The following PIK3C3 variants were observed in gnomAD, a reference collection of about 807,000 sequenced individuals.
PIK3C3 encodes the protein PI3-kinase type 3.
In PIK3C3, 95 loss-of-function variants were observed where a neutral mutation model predicts 126.1. That is an observed-to-expected ratio of 0.75 (90% CI 0.64 to 0.89). The LOEUF is 0.89. Ranked by LOEUF, PIK3C3 falls within the 40% of genes least tolerant of loss-of-function variation. The probability of loss-of-function intolerance (pLI) is 0.00; values close to 1 mark genes in which losing one functional copy is unlikely to be tolerated. For synonymous variants in PIK3C3, 374 were observed against 360.0 expected (o/e 1.04, Z -0.44); for missense variants, 829 against 1,063.2 (o/e 0.78, Z 3.06).
At chr18:42,062,429 CATT>C (rs923733458) in intron 22 of PIK3C3, among the ~76,000 whole-genome samples, 18 of 151,436 alleles carry the variant, frequency 1.2e-4, no homozygotes, top group African/African-American at 4.4e-4. Flanking sequence ...TTTCTTAAAA[CATT>C]ATGAGATTTT....
intron 2 of PIK3C3, among the ~76,000 whole-genome samples, chr18:41,958,858 C>T (rs56411890): frequency 0.038 from 5,831 of 152,180 alleles, 356 homozygotes; most frequent in African/African-American, 0.13. Context: ...GTTTCTGTTA[C>T]ATACCTACTG....
intron 4 of PIK3C3, among the ~76,000 whole-genome samples, chr18:41,986,211 T>C (rs1370745621): frequency 6.6e-6 from 1 of 152,108 alleles, no homozygotes; most frequent in Non-Finnish European, 1.5e-5. Flanking sequence ...GTCTACAAAA[T>C]AGTGTGGTTA....
At chr18:42,068,956 A>C (rs894474882) in intron 24 of PIK3C3, among the ~76,000 whole-genome samples, 1 of 151,812 alleles carries the variant, frequency 6.6e-6, no homozygotes, top group African/African-American at 2.4e-5. Flanking sequence ...TCTCAAAAAA[A>C]AAAAAAAAAA....
intron 21 of PIK3C3, chr18:42,052,794 TCATGAAGACTTGTC>T (rs1377497652): frequency 6.6e-6 from 1 of 152,184 alleles, no homozygotes; most frequent in Non-Finnish European, 1.5e-5. Context: ...GCCTCGACTG[TCATGAAGACTTGTC>T]CATTGTATAT....
chr18:42,046,890 A>G (rs1984581702), intron 20 of PIK3C3, among the ~76,000 whole-genome samples: 1 of 152,146 alleles, frequency 6.6e-6, no homozygotes. Flanking sequence ...TTGACTAAAC[A>G]TGTTTATCAG....
At chr18:41,975,655 T>G (rs1449624504) in intron 4 of PIK3C3, among the ~76,000 whole-genome samples, 1 of 152,098 alleles carries the variant, frequency 6.6e-6, no homozygotes, top group Non-Finnish European at 1.5e-5. Flanking sequence ...CTGGAAAGGT[T>G]TCTCAGATAT....
intron 24 of PIK3C3, among the ~76,000 whole-genome samples, chr18:42,079,936 C>T (rs1308688349): frequency 6.7e-6 from 1 of 148,442 alleles, no homozygotes. Context: ...TCTTATTTCC[C>T]CAACTTTTGA....
chr18:42,005,032 A>C (rs1982477222), intron 10 of PIK3C3, among the ~76,000 whole-genome samples: 1 of 152,208 alleles, frequency 6.6e-6, no homozygotes, highest in African/African-American at 2.4e-5. Context: ...AATTATATGT[A>C]TATGTAGATT....
rs1361125918 is a variant in PIK3C3, at chr18:41,957,674, A to C, written c.173A>C (p.Tyr58Ser). 1.2e-6 allele frequency: 2 copies of C among 1,613,970 alleles called. No individual in the cohort carries two copies. The highest frequency in any genetic ancestry group is 2.2e-5 in the South Asian group (2 of 91,058). The change falls in exon 2 of 25, where the codon TAT becomes TCT. Residue 58 changes from tyrosine to serine, a missense_variant. Coordinates refer to ENST00000262039, the MANE Select transcript of PIK3C3 (RefSeq NM_002647.4). ...TATCAAGAGACATGCTCTGATCTTTATGTTACTTGTCAAGTTTTTGCAGAA... is the reference window on the plus strand; with the variant it reads ...TATCAAGAGACATGCTCTGATCTTTCTGTTACTTGTCAAGTTTTTGCAGAA... ...GLYQETCSDLYVTCQVFAEGK... is the reference protein window; with the variant it reads ...GLYQETCSDLSVTCQVFAEGK...
chr18:42,020,656 T>C lies in PIK3C3; in HGVS notation c.1435T>C (p.Leu479=). The change falls in exon 13 of 25, where the codon TTG becomes CTG. Residue 479 remains leucine (L), a synonymous_variant. Coordinates refer to ENST00000262039, the MANE Select transcript of PIK3C3 (RefSeq NM_002647.4). ...ENLEQDLCTF[L]ISRACKNSTL... is the part of the protein sequence containing the mutation. ...CTTTCAGCAAGATCTCTGTACCTTC[T>C]TGATATCGAGAGCCTGCAAAAACTC... The C allele has an allele frequency of 5.6e-6, 9 of 1,602,914 alleles. No homozygotes were observed. Among genetic ancestry groups the C allele is most frequent in the South Asian group, 1.1e-5 (1 of 90,304 alleles).
intron 19 of PIK3C3, 146 bp from the exon 20 acceptor site, chr18:42,043,587 C>A (rs960632722): frequency 3.8e-6 from 2 of 521,292 alleles, no homozygotes; most frequent in African/African-American, 3.9e-5. Context: ...CGCACTCTTA[C>A]AATTCTTTTG....
chr18:42,081,170 A>C lies in PIK3C3; in HGVS notation c.*33A>C. 1 of 1,546,794 alleles carries C rather than the reference A, an allele frequency of 6.5e-7. No homozygotes were observed. Among genetic ancestry groups the C allele is most frequent in the Non-Finnish European group, 8.9e-7 (1 of 1,127,158 alleles). On this transcript the variant is annotated 3_prime_UTR_variant, in exon 25 of 25. Transcript: ENST00000262039. ...ATTGACCCATCAAGATGCTTGGCTC[A>C]ATAAGAAAACCACGTTAGGAGCAAC...
chr18:41,986,643 G>C (rs1981492767), intron 4 of PIK3C3, among the ~76,000 whole-genome samples: 1 of 151,980 alleles, frequency 6.6e-6, no homozygotes, highest in South Asian at 2.1e-4. Flanking sequence ...TGGTTTCCTT[G>C]TGACTATTTC....
intron 3 of PIK3C3, among the ~76,000 whole-genome samples, chr18:41,968,872 C>T (rs1568113906): frequency 6.6e-6 from 1 of 151,670 alleles, no homozygotes; most frequent in Non-Finnish European, 1.5e-5. Flanking sequence ...GGCTGGAGTA[C>T]AGTGGTGCAA....
intron 24 of PIK3C3, 142 bp from the exon 25 acceptor site, chr18:42,080,981 C>T: frequency 1.8e-6 from 1 of 552,930 alleles, no homozygotes; most frequent in Non-Finnish European, 3.2e-6. Context: ...TAGTTAATTG[C>T]AATCCTCTTG....
At chr18:42,077,036 A>C (rs907415191) in intron 24 of PIK3C3, among the ~76,000 whole-genome samples, 1 of 152,206 alleles carries the variant, frequency 6.6e-6, no homozygotes, top group African/African-American at 2.4e-5. Context: ...AGATTTTTTG[A>C]TCTGAAGTCC....
intron 4 of PIK3C3, among the ~76,000 whole-genome samples, chr18:41,975,568 A>G (rs2144322177): frequency 6.6e-6 from 1 of 152,268 alleles, no homozygotes; most frequent in Admixed American, 6.5e-5. Flanking sequence ...GCTATCTAGG[A>G]CACCGTATTT....
chr18:42,064,667 A>G (rs1985459885), intron 22 of PIK3C3, 73 bp from the exon 23 acceptor site: 3 of 732,776 alleles, frequency 4.1e-6, no homozygotes, highest in South Asian at 1.6e-5. Context: ...CTACTTCTAA[A>G]GTATTCTTAA....
In PIK3C3 at chr18:42,064,353, G is replaced by A. The variant is rs116253718; in HGVS notation, c.2433-387G>A. On this transcript the variant is annotated intron_variant, in intron 22 of 24. Transcript: ENST00000262039. ...CATGACACACTGAGGTCATCTTAAA[G>A]TAGCAGATTGTTATCTTCATCTAGC... Among the ~76,000 whole-genome samples the A allele has an allele frequency of 8.7e-3, 1,332 of 152,232 alleles. 24 individuals carry two copies. Among genetic ancestry groups the A allele is most frequent in the African/African-American group, 0.03 (1,261 of 41,538 alleles).
Sources: gnomAD v4.1 joint callset for allele counts (sites outside exome capture counted in the v4.1 genomes callset) on GRCh38, gnomAD v4.1.1 for gene constraint, MANE v1.5 for transcripts, NCBI Gene and HGNC (gene_info 2026-07-23, HGNC 2026-07-21) for gene names.